IRGM: variants seen among roughly 807,000 people sequenced by gnomAD.
IRGM encodes immunity related GTPase M.
For synonymous variants in IRGM, 98 were observed against 80.6 expected, an observed-to-expected ratio of 1.22 and a Z score of -1.16; for missense variants, 288 against 219.9, an observed-to-expected ratio of 1.31 and a Z score of -1.96.
chr5:150,862,080 G>C (rs1754144790), intron 1 of IRGM, among the ~76,000 whole-genome samples: 1 of 152,202 alleles, frequency 6.6e-6, no homozygotes, highest in South Asian at 2.1e-4. Context: ...TGTTCAAGTG[G>C]AAAAGGATCT....
intron 1 of IRGM, among the ~76,000 whole-genome samples, chr5:150,864,367 C>T (rs1223836629): frequency 1.3e-5 from 2 of 152,072 alleles, no homozygotes; most frequent in African/African-American, 4.8e-5. Context: ...CCTTACTTCC[C>T]AAGTTTTTCT....
chr5:150,899,899 A>G (rs1754932588), intron 3 of IRGM, among the ~76,000 whole-genome samples: 1 of 152,096 alleles, frequency 6.6e-6, no homozygotes, highest in African/African-American at 2.4e-5. Flanking sequence ...GATTATTTCA[A>G]ATGTCAACAT....
chr5:150,861,024 A>T (rs1291996579), intron 1 of IRGM, among the ~76,000 whole-genome samples: 2 of 152,214 alleles, frequency 1.3e-5, no homozygotes, highest in African/African-American at 4.8e-5. Flanking sequence ...GGCTTCAATC[A>T]GTAACAAGTA....
chr5:150,901,629 C>T (rs193118141), downstream of IRGM, among the ~76,000 whole-genome samples: 1,108 of 152,146 alleles, frequency 7.3e-3, 16 homozygotes, highest in African/African-American at 0.025. Context: ...GATTTCACAA[C>T]GATAATCATA....
At chr5:150,872,043 AATTTGCT>A (rs1754293317) in intron 1 of IRGM, among the ~76,000 whole-genome samples, 1 of 152,128 alleles carries the variant, frequency 6.6e-6, no homozygotes, top group South Asian at 2.1e-4. Context: ...TATGATGTAA[AATTTGCT>A]ATTTGATTTT....
intron 3 of IRGM, chr5:150,879,753 T>A (rs1754417979): frequency 6.6e-6 from 1 of 152,230 alleles, no homozygotes; most frequent in East Asian, 1.9e-4. Flanking sequence ...CACAGCTCAT[T>A]GTGATGGGGT....
At chr5:150,851,309 A>G (rs1004609762), downstream of IRGM, among the ~76,000 whole-genome samples, 3 of 152,146 alleles carry the variant, frequency 2.0e-5, no homozygotes, top group African/African-American at 7.2e-5. Flanking sequence ...CATGCACTCC[A>G]TCTTCCTCCC....
At chr5:150,862,662 G>T (rs983828219) in intron 1 of IRGM, among the ~76,000 whole-genome samples, 1 of 152,156 alleles carries the variant, frequency 6.6e-6, no homozygotes, top group African/African-American at 2.4e-5. Context: ...CCTACTCTAG[G>T]TATGTAAAAG....
chr5:150,852,957 C>G (rs368949088), downstream of IRGM, among the ~76,000 whole-genome samples: 1 of 152,018 alleles, frequency 6.6e-6, no homozygotes, highest in African/African-American at 2.4e-5. Flanking sequence ...AATCTTTGCT[C>G]ATATCTTTTG....
rs527942611 is a variant in IRGM at position 150,857,903 on chromosome 5, T to C, written c.158+9249T>C. Among the ~76,000 whole-genome samples, 17 of 150,982 alleles carry C rather than the reference T, an allele frequency of 1.1e-4. No homozygotes were observed. The East Asian group carries it at 3.3e-3, about 29-fold the overall frequency. ...CTGTTCACTCTGATGGTAGTTTCTT[T>C]TGCTGTGCAGAAGCTCTTTAGTTTA... On this transcript the variant is annotated intron_variant and NMD_transcript_variant, in intron 1 of 3. Coordinates refer to the IRGM transcript ENST00000520549.
intron 3 of IRGM, among the ~76,000 whole-genome samples, chr5:150,885,102 G>T (rs981125288): frequency 6.6e-6 from 1 of 152,130 alleles, no homozygotes; most frequent in Non-Finnish European, 1.5e-5. Context: ...TATGGTGTAA[G>T]AAAGGGGTTC....
downstream of IRGM, among the ~76,000 whole-genome samples, chr5:150,853,296 C>T (rs1005569096): frequency 1.3e-5 from 2 of 152,250 alleles, no homozygotes; most frequent in East Asian, 1.9e-4. Context: ...AAAGACACTG[C>T]ATAATTTCAA....
intron 1 of IRGM, among the ~76,000 whole-genome samples, chr5:150,864,908 G>C (rs916865993): frequency 1.3e-5 from 2 of 152,240 alleles, no homozygotes; most frequent in South Asian, 2.1e-4. Flanking sequence ...TATTGCTCTT[G>C]ACGATGGGCG....
At chr5:150,859,276 C>T (rs943079991) in intron 1 of IRGM, among the ~76,000 whole-genome samples, 1 of 152,090 alleles carries the variant, frequency 6.6e-6, no homozygotes, top group African/African-American at 2.4e-5. Flanking sequence ...AGGGATGAAG[C>T]CCACTTGATC....
At chr5:150,882,464 G>T (rs1360850990) in intron 3 of IRGM, among the ~76,000 whole-genome samples, 1 of 152,090 alleles carries the variant, frequency 6.6e-6, no homozygotes, top group Non-Finnish European at 1.5e-5. Flanking sequence ...ACTGTATGCT[G>T]CTAAGAGAGA....
At chr5:150,873,819 T>G (rs1754325902) in intron 1 of IRGM, among the ~76,000 whole-genome samples, 1 of 152,172 alleles carries the variant, frequency 6.6e-6, no homozygotes, top group South Asian at 2.1e-4. Flanking sequence ...TGCCTCTACC[T>G]AGAAAAATAG....
At chr5:150,902,004 C>A (rs1755010480), downstream of IRGM, among the ~76,000 whole-genome samples, 1 of 152,078 alleles carries the variant, frequency 6.6e-6, no homozygotes, top group Admixed American at 6.5e-5. Context: ...TGTACTTCTA[C>A]ATATAAACTG....
intron 1 of IRGM, among the ~76,000 whole-genome samples, chr5:150,861,909 G>A (rs577764487): frequency 7.9e-5 from 12 of 152,262 alleles, no homozygotes; most frequent in African/African-American, 2.9e-4. Flanking sequence ...AACTATTGCT[G>A]CATAAAACTA....
intron 3 of IRGM, among the ~76,000 whole-genome samples, chr5:150,890,730 ATG>A (rs1561752136): frequency 6.6e-6 from 1 of 151,846 alleles, no homozygotes; most frequent in Non-Finnish European, 1.5e-5. Context: ...TTATTTAGAA[ATG>A]TGTTATTACT....
Sources: allele counts gnomAD v4.1 joint callset (sites outside exome capture counted in the v4.1 genomes callset), GRCh38; gene constraint gnomAD v4.1.1; transcripts MANE v1.5; gene names NCBI Gene and HGNC (gene_info 2026-07-23, HGNC 2026-07-21).